DGKB: variants seen among roughly 807,000 people sequenced by gnomAD.
DGKB encodes the protein diacylglycerol kinase beta, also known as 90 kDa diacylglycerol kinase.
In DGKB, 67 loss-of-function variants were observed where a neutral mutation model predicts 114.3. That is an observed-to-expected ratio of 0.59 (90% CI 0.48 to 0.72). The LOEUF (loss-of-function observed/expected upper bound fraction) is 0.72, where lower values mean the gene tolerates loss of function less well. Ranked by LOEUF, DGKB falls within the 30% of genes least tolerant of loss-of-function variation. The pLI is 0.00. For missense variants in DGKB, 907 were observed against 975.2 expected (o/e 0.93, Z 0.93); for synonymous variants, 398 against 323.1 (o/e 1.23, Z -2.49).
At chr7:14,794,440 A>C (rs1360941919) in intron 2 of DGKB, among the ~76,000 whole-genome samples, 2 of 152,192 alleles carry the variant, frequency 1.3e-5, no homozygotes, top group African/African-American at 2.4e-5. Flanking sequence ...ATACTTTTGA[A>C]GATTTTCAGA....
At chr7:14,894,644 A>G (rs1781823624) in intron 1 of DGKB, among the ~76,000 whole-genome samples, 2 of 151,542 alleles carry the variant, frequency 1.3e-5, no homozygotes, top group African/African-American at 2.4e-5. Flanking sequence ...CACTTTTGAT[A>G]TTATCTTTTT....
intron 4 of DGKB, among the ~76,000 whole-genome samples, chr7:14,741,080 G>A (rs1265299739): frequency 1.3e-5 from 2 of 152,028 alleles, no homozygotes; most frequent in African/African-American, 4.8e-5. Context: ...GTCCCCCTTG[G>A]TCCTCTCTTC....
intron 1 of DGKB, among the ~76,000 whole-genome samples, chr7:14,859,297 C>CAGAGTCAAAGTCTGAGGCTCCTTT (rs1850636953): frequency 6.6e-6 from 1 of 152,148 alleles, no homozygotes; most frequent in Non-Finnish European, 1.5e-5. Flanking sequence ...AAAAGGGAGG[C>CAGAGTCAAAGTCTGAGGCTCCTTT]AGAGTCAAAG....
chr7:14,628,755 T>C (rs1205806789), intron 14 of DGKB, among the ~76,000 whole-genome samples: 1 of 152,112 alleles, frequency 6.6e-6, no homozygotes, highest in Non-Finnish European at 1.5e-5. Flanking sequence ...CACTCAGCCA[T>C]GCATATATCC....
At chr7:14,321,499 A>G (rs983122132) in intron 23 of DGKB, among the ~76,000 whole-genome samples, 21 of 152,112 alleles carry the variant, frequency 1.4e-4, no homozygotes, top group African/African-American at 5.1e-4. Context: ...ATGGTGAACT[A>G]TTGAAATCTC....
intron 21 of DGKB, among the ~76,000 whole-genome samples, chr7:14,365,935 T>G (rs527781654): frequency 2.8e-4 from 43 of 152,236 alleles, no homozygotes; most frequent in African/African-American, 9.4e-4. Context: ...ATGACAGGTG[T>G]GAACCGTCTG....
At chr7:14,723,742 C>T (rs1388903541) in intron 5 of DGKB, among the ~76,000 whole-genome samples, 3 of 152,098 alleles carry the variant, frequency 2.0e-5, no homozygotes, top group Non-Finnish European at 4.4e-5. Flanking sequence ...ATTATATATA[C>T]ACATACATAC....
At chr7:14,543,609 G>T (rs1355602404) in intron 20 of DGKB, among the ~76,000 whole-genome samples, 2 of 152,150 alleles carry the variant, frequency 1.3e-5, no homozygotes, top group Non-Finnish European at 2.9e-5. Flanking sequence ...CTTCTCTTCA[G>T]TGGAATGAGA....
chr7:14,314,888 T>G (rs1054100026), intron 23 of DGKB, among the ~76,000 whole-genome samples: 14 of 151,662 alleles, frequency 9.2e-5, no homozygotes, highest in Non-Finnish European at 1.9e-4. Context: ...GAGAGAAAGG[T>G]CGGGTTCCCC....
intron 1 of DGKB, among the ~76,000 whole-genome samples, chr7:14,848,026 G>C (rs539150036): frequency 6.6e-6 from 1 of 152,184 alleles, no homozygotes; most frequent in African/African-American, 2.4e-5. Context: ...TTTGTCATAA[G>C]TAAATTATGA....
intron 10 of DGKB, among the ~76,000 whole-genome samples, chr7:14,683,760 T>C (rs1380166789): frequency 3.3e-5 from 5 of 152,118 alleles, no homozygotes; most frequent in Admixed American, 2.0e-4. Context: ...ATAATATTTA[T>C]ATAGTAAAAC....
At chr7:14,624,724 G>A (rs954345944) in intron 14 of DGKB, among the ~76,000 whole-genome samples, 5 of 152,138 alleles carry the variant, frequency 3.3e-5, no homozygotes, top group African/African-American at 1.2e-4. Flanking sequence ...CAGGCTGCAT[G>A]TGGTGGCTCA....
intron 22 of DGKB, among the ~76,000 whole-genome samples, chr7:14,343,498 T>G (rs1213982500): frequency 6.6e-6 from 1 of 151,846 alleles, no homozygotes; most frequent in African/African-American, 2.4e-5. Flanking sequence ...TTCAAAATCT[T>G]TTGCTGTAAA....
At chr7:14,161,757 T>G (rs762205943) in intron 25 of DGKB, among the ~76,000 whole-genome samples, 9 of 151,972 alleles carry the variant, frequency 5.9e-5, no homozygotes, top group African/African-American at 9.7e-5. Context: ...ATGACACATG[T>G]ATACCTATGT....
chr7:14,357,393 G>C (rs1224924057), intron 21 of DGKB, among the ~76,000 whole-genome samples: 2 of 152,130 alleles, frequency 1.3e-5, no homozygotes, highest in African/African-American at 4.8e-5. Context: ...TTTAAAGTCT[G>C]TTTTATCAGA....
chr7:14,462,002 A>C (rs2128870676), intron 21 of DGKB, among the ~76,000 whole-genome samples: 1 of 152,266 alleles, frequency 6.6e-6, no homozygotes, highest in South Asian at 2.1e-4. Context: ...CAAGGACAAA[A>C]CCCACATGAT....
chr7:14,189,107 T>C (rs553242255), intron 23 of DGKB, among the ~76,000 whole-genome samples: 2 of 152,286 alleles, frequency 1.3e-5, no homozygotes, highest in Admixed American at 6.5e-5. Flanking sequence ...AAACTCACCG[T>C]AGAGTAAGTT....
chr7:14,344,575 C>A lies in DGKB; in HGVS notation c.1926+726G>T, dbSNP rs529545939. 5.3e-5 allele frequency among the ~76,000 whole-genome samples: 8 copies of A among 151,680 alleles called. No individual in the cohort carries two copies. The East Asian group carries it at 1.5e-3, about 29-fold the overall frequency. On this transcript the variant is annotated intron_variant, in intron 22 of 25. Coordinates refer to ENST00000402815, the MANE Select transcript of DGKB (RefSeq NM_001350709.2). ...CATTAAGTGTTCATGTTTCATAATTCTGTTCCTCTGGTTTTGTCTTTATCA... is the reference window on the plus strand; with the variant it reads ...CATTAAGTGTTCATGTTTCATAATTATGTTCCTCTGGTTTTGTCTTTATCA...
intron 8 of DGKB, among the ~76,000 whole-genome samples, chr7:14,696,411 A>C (rs112906602): frequency 0.05 from 6,920 of 139,484 alleles, 317 homozygotes; most frequent in African/African-American, 0.12. Flanking sequence ...AGGAGAATGG[A>C]GTGAACCCGG....
Sources: gnomAD v4.1 joint callset for allele counts (sites outside exome capture counted in the v4.1 genomes callset) on GRCh38, gnomAD v4.1.1 for gene constraint, MANE v1.5 for transcripts, NCBI Gene and HGNC (gene_info 2026-07-23, HGNC 2026-07-21) for gene names.